MYH13: variants seen among roughly 807,000 people sequenced by gnomAD.
The protein encoded by MYH13 is myosin-13.
In MYH13, 177 loss-of-function variants were observed where a neutral mutation model predicts 232.1. That is an observed-to-expected ratio of 0.76 (90% confidence interval 0.67 to 0.86). The LOEUF is 0.86. Ranked by LOEUF, MYH13 falls within the 40% of genes least tolerant of loss-of-function variation. The pLI is 0.00. For synonymous variants in MYH13, 884 were observed against 923.5 expected (o/e 0.96, Z 0.78); for missense variants, 2,246 against 2,405.9 (o/e 0.93, Z 1.39).
intron 2 of MYH13, among the ~76,000 whole-genome samples, chr17:10,369,744 T>G (rs1394690110): frequency 1.3e-5 from 2 of 152,244 alleles, no homozygotes; most frequent in African/African-American, 4.8e-5. Flanking sequence ...CAGTATCTCC[T>G]AGTAGTATTA....
At chr17:10,352,589 AAAAAAAC>A (rs1388563575) in intron 11 of MYH13, among the ~76,000 whole-genome samples, 2 of 151,912 alleles carry the variant, frequency 1.3e-5, no homozygotes, top group Non-Finnish European at 1.5e-5. Context: ...CTCCATCTCA[AAAAAAAC>A]AAAAAACAAA....
At chr17:10,342,705 C>T (rs979517013) in intron 16 of MYH13, among the ~76,000 whole-genome samples, 3 of 152,150 alleles carry the variant, frequency 2.0e-5, no homozygotes, top group African/African-American at 7.2e-5. Context: ...AAAGAGCATC[C>T]AGTATATAAT....
chr17:10,323,775 AAAAAAAAAAAAAAAG>A (rs1567661378), intron 23 of MYH13, among the ~76,000 whole-genome samples: 2 of 77,922 alleles, frequency 2.6e-5, no homozygotes, highest in Admixed American at 1.7e-4. Context: ...AAAAAAAAAA[AAAAAAAAAAAAAAAG>A]AAGAAGAAGA....
At chr17:10,310,969 T>G in intron 33 of MYH13, 134 bp downstream of exon 33, 1 of 1,110,408 alleles carries the variant, frequency 9.0e-7, no homozygotes. Context: ...TTTCAGCCCC[T>G]GGGATGGCTG....
intron 18 of MYH13, among the ~76,000 whole-genome samples, chr17:10,337,186 C>A (rs1009488326): frequency 6.6e-6 from 1 of 152,200 alleles, no homozygotes; most frequent in African/African-American, 2.4e-5. Flanking sequence ...GTCGGGATTA[C>A]AGGCGTGAGC....
intron 18 of MYH13, among the ~76,000 whole-genome samples, chr17:10,336,492 G>A (rs2071576317): frequency 6.6e-6 from 1 of 152,044 alleles, no homozygotes; most frequent in Non-Finnish European, 1.5e-5. Context: ...GGGCCTCCTC[G>A]CTGGCTCAGG....
At chr17:10,325,921 C>T (rs1009753823) in intron 22 of MYH13, among the ~76,000 whole-genome samples, 8 of 152,062 alleles carry the variant, frequency 5.3e-5, no homozygotes, top group East Asian at 3.9e-4. Flanking sequence ...ATGATCCGCC[C>T]GCCTCGGCCT....
intron 26 of MYH13, 81 bp downstream of exon 26, chr17:10,320,072 T>C: frequency 9.4e-7 from 1 of 1,060,824 alleles, no homozygotes; most frequent in Non-Finnish European, 1.4e-6. Flanking sequence ...AAGAAGCAGC[T>C]AAAGAAACAA....
chr17:10,324,656 G>C (rs1377669194), intron 22 of MYH13, among the ~76,000 whole-genome samples: 2 of 151,436 alleles, frequency 1.3e-5, no homozygotes, highest in African/African-American at 4.9e-5. Context: ...ATGTTGGCCA[G>C]GCTGGTCTCC....
chr17:10,326,607 A>G (rs1907204463), intron 22 of MYH13, among the ~76,000 whole-genome samples: 1 of 150,706 alleles, frequency 6.6e-6, no homozygotes, highest in African/African-American at 2.4e-5. Context: ...AGTAGCTGGC[A>G]CTACCAGCGT....
At chr17:10,357,981 C>G (rs2071762435) in intron 7 of MYH13, among the ~76,000 whole-genome samples, 154 bp from the exon 8 acceptor site, 1 of 152,102 alleles carries the variant, frequency 6.6e-6, no homozygotes, top group East Asian at 1.9e-4. Flanking sequence ...CCCCCACCCC[C>G]ACCAGACCTG....
At chr17:10,322,085 C>T (rs548806221) in intron 23 of MYH13, among the ~76,000 whole-genome samples, 13 of 152,234 alleles carry the variant, frequency 8.5e-5, no homozygotes, top group Non-Finnish European at 1.8e-4. Flanking sequence ...GGAGGAGAGG[C>T]GTGAGGTCCT....
intron 21 of MYH13, among the ~76,000 whole-genome samples, chr17:10,329,964 C>T (rs1366649637): frequency 1.3e-5 from 2 of 151,154 alleles, no homozygotes; most frequent in East Asian, 1.9e-4. Flanking sequence ...TGTGCCACTG[C>T]ACTCCAGCCT....
chr17:10,308,936 T>C (rs767644908), intron 35 of MYH13, among the ~76,000 whole-genome samples: 3 of 152,252 alleles, frequency 2.0e-5, no homozygotes, highest in Non-Finnish European at 2.9e-5. Context: ...TCCACTTAAA[T>C]AGTACTTCCA....
In MYH13 at chr17:10,309,795, G is replaced by A. The variant is rs1427589944; in HGVS notation, c.4692C>T (p.Arg1564=). The change falls in exon 34 of 41, where the codon CGC becomes CGT. Residue 1564 remains arginine (R), a synonymous_variant. Transcript: ENST00000252172. ...TCACCTGGCTCAGCTCTAGCTGCAC[G>A]CGCAAGATCTTGCTCTCCTCGTGTT... The part of the protein sequence containing the change: ...SLEHEESKIL[R]VQLELSQVKS... 2.5e-6 allele frequency: 4 copies of A among 1,595,198 alleles called. No individual in the cohort carries two copies. The highest frequency in any genetic ancestry group is 2.3e-5 in the South Asian group (2 of 87,766).
rs61543278 is a variant in MYH13 at position 10,326,981 on chromosome 17, G to GTTTTTTTTTTTTTTTTTTT, written c.2691+866_2691+884dup. Among the ~76,000 whole-genome samples, 21 of 55,832 alleles carry GTTTTTTTTTTTTTTTTTTT rather than the reference G, an allele frequency of 3.8e-4. 9 individuals carry two copies. The highest frequency in any genetic ancestry group is 1.2e-3 in the East Asian group (2 of 1,608). The allele number at this position is 55,832 out of a possible 152,430, so 36.6% of individuals were successfully genotyped here. On this transcript the variant is annotated intron_variant, in intron 22 of 40. Transcript: ENST00000252172. Reference sequence around the variant, plus strand: ...GAGACATGCACCACCATGCCTACTAGTTTTTTTTTTTTTTTTTTTTTTTTT... The same window carrying GTTTTTTTTTTTTTTTTTTT: ...GAGACATGCACCACCATGCCTACTAGTTTTTTTTTTTTTTTTTTTTTTTTTTTTTTTTTTTTTTTTTTTT...
chr17:10,355,176 C>A lies in MYH13; in HGVS notation c.739-29G>T, dbSNP rs371406718. On this transcript the variant is annotated intron_variant, in intron 8 of 40. Transcript: ENST00000252172. ...TCCAATAACAGGTGGACAAATGTTA[C>A]GGTTATTTGATTTATATGGTTTTGT... 5.1e-6 allele frequency: 8 copies of A among 1,553,946 alleles called. No individual in the cohort carries two copies. In the African/African-American group the frequency reaches 6.8e-5, roughly 13 times the overall value.
intron 1 of MYH13, among the ~76,000 whole-genome samples, chr17:10,371,684 T>C (rs988426804): frequency 1.3e-5 from 2 of 152,026 alleles, no homozygotes; most frequent in African/African-American, 4.8e-5. Context: ...CGCTTCTGAC[T>C]GGGGGGCTGT....
intron 29 of MYH13, among the ~76,000 whole-genome samples, chr17:10,314,530 G>A (rs934248752): frequency 1.3e-5 from 2 of 152,052 alleles, no homozygotes; most frequent in Non-Finnish European, 2.9e-5. Context: ...CTCAGTACTT[G>A]TTCAGGCTTG....
Sources: allele counts gnomAD v4.1 joint callset (sites outside exome capture counted in the v4.1 genomes callset), GRCh38; gene constraint gnomAD v4.1.1; transcripts MANE v1.5; gene names NCBI Gene and HGNC (gene_info 2026-07-23, HGNC 2026-07-21).